STC1: variants seen among roughly 807,000 people sequenced by gnomAD.
STC1 encodes the protein stanniocalcin 1.
A neutral mutation model predicts 22.6 loss-of-function variants in STC1; 7 were observed. That is an observed-to-expected ratio of 0.31 (90% CI 0.18 to 0.58). STC1 has a LOEUF of 0.58. Ranked by LOEUF, STC1 falls within the 20% of genes least tolerant of loss-of-function variation. The pLI, the probability that STC1 is intolerant of heterozygous loss-of-function variation, is 0.89. For missense variants in STC1, 224 were observed against 311.0 expected, an observed-to-expected ratio of 0.72 and a Z score of 2.10; for synonymous variants, 113 against 120.7, an observed-to-expected ratio of 0.94 and a Z score of 0.42.
rs187959706 is a variant in STC1 at position 23,854,590 on chromosome 8, C to T, written c.-67G>A. 5,215 of 1,314,432 alleles carry T rather than the reference C, an allele frequency of 4.0e-3. 21 individuals carry two copies. The highest frequency in any genetic ancestry group is 5.0e-3 in the Non-Finnish European group (4,506 of 908,816). 81.4% of individuals were successfully genotyped at this position (1,314,432 alleles called of 1,614,324 possible). Reference sequence around the variant, plus strand: ...TCCTGCCCCCCTTTCCTCTTTCCCTCTCCTGGCTTGAGTGAAGATGTGGAT... The same window carrying T: ...TCCTGCCCCCCTTTCCTCTTTCCCTTTCCTGGCTTGAGTGAAGATGTGGAT... On this transcript the variant is annotated 5_prime_UTR_variant, in exon 1 of 4. Coordinates refer to ENST00000290271, the MANE Select transcript of STC1 (RefSeq NM_003155.3).
chr8:23,850,095 C>A (rs140647248), intron 3 of STC1, among the ~76,000 whole-genome samples: 262 of 152,306 alleles, frequency 1.7e-3, no homozygotes, highest in Middle Eastern at 3.4e-3. Context: ...AGGGCACTCA[C>A]CTGTAGTTAA....
In STC1 at chr8:23,844,747, G is replaced by A; in HGVS notation, c.*23C>T. 5 of 1,608,860 alleles carry A rather than the reference G, an allele frequency of 3.1e-6. No homozygotes were observed. Among genetic ancestry groups the A allele is most frequent in the Non-Finnish European group, 4.3e-6 (5 of 1,175,988 alleles). Reference sequence around the variant, plus strand: ...CCCTAAAATGATACTAGTTTGGTGAGGTTGTGAATAACCTCTCCCTGGTTA... The same window carrying A: ...CCCTAAAATGATACTAGTTTGGTGAAGTTGTGAATAACCTCTCCCTGGTTA... On this transcript the variant is annotated 3_prime_UTR_variant, in exon 4 of 4. Transcript: ENST00000290271.
At position 23,843,166 on chromosome 8, in the gene STC1, T is replaced by C. The variant is rs1463614617; in HGVS notation, c.*1604A>G. ...GGGCAGTGACGCTCATAAGGGACTGTTGGGTTCAAGGACAGTGACCCTGAG... is the reference window on the plus strand; with the variant it reads ...GGGCAGTGACGCTCATAAGGGACTGCTGGGTTCAAGGACAGTGACCCTGAG... On this transcript the variant is annotated 3_prime_UTR_variant, in exon 4 of 4. Coordinates refer to ENST00000290271, the MANE Select transcript of STC1 (RefSeq NM_003155.3). 6.6e-6 allele frequency: 1 copy of C among 152,594 alleles called. No individual in the cohort carries two copies. Among genetic ancestry groups the C allele is most frequent in the Non-Finnish European group, 1.5e-5 (1 of 68,062 alleles). The allele number at this position is 152,594 out of a possible 1,614,324, so 9.5% of individuals were successfully genotyped here. A position where few individuals can be genotyped will look rare whatever the true frequency, so the allele number is the denominator to read the frequency against.
intron 3 of STC1, 36 bp downstream of exon 3, chr8:23,851,284 G>A: frequency 6.2e-7 from 1 of 1,609,160 alleles, no homozygotes; most frequent in Non-Finnish European, 8.5e-7. Flanking sequence ...CCTGCTCCCA[G>A]TCCCCTGATT....
rs1410328807 is a variant in STC1 at position 23,854,468 on chromosome 8, T to A, written c.56A>T (p.His19Leu). 6.2e-7 allele frequency: 1 copy of A among 1,613,876 alleles called. No individual in the cohort carries two copies. The highest frequency in any genetic ancestry group is 8.5e-7 in the Non-Finnish European group (1 of 1,180,016). ...CACAGAGTCATTCTGCTCCGCCTCA[T>A]GGGTTGCAGAAGCACTGATCACCAG... is the stretch of plus-strand genomic sequence containing the variant. ...LVLVISASAT[H>L]EAEQNDSVSP... The change falls in exon 1 of 4, where the codon CAT becomes CTT. Residue 19 changes from histidine to leucine, a missense_variant. By Grantham distance (99) the His-to-Leu change is moderately conservative. Transcript: ENST00000290271.
At position 23,844,541 on chromosome 8, in the gene STC1, C is replaced by T. The variant is rs1802548404; in HGVS notation, c.*229G>A. On this transcript the variant is annotated 3_prime_UTR_variant, in exon 4 of 4. Coordinates refer to ENST00000290271, the MANE Select transcript of STC1 (RefSeq NM_003155.3). ...AGTTGGTAAAAGAGGGTACTTTCTC[C>T]TGAGGAGAGGCAGAATGGTCACATG... is the stretch of plus-strand genomic sequence containing the variant. The T allele has an allele frequency of 1.7e-6, 1 of 576,728 alleles. No homozygotes were observed. Among genetic ancestry groups the T allele is most frequent in the African/African-American group, 1.9e-5 (1 of 53,474 alleles). 35.7% of individuals were successfully genotyped at this position (576,728 alleles called of 1,614,324 possible). A position where few individuals can be genotyped will look rare whatever the true frequency, so the allele number is the denominator to read the frequency against.
rs899604011 is a variant in STC1, at chr8:23,854,723, CGCCGCTGCTGCTGCTGCT to C, written c.-218_-201del. ...GTGCCTCCGCTGCTGCTGCTGCTGC[CGCCGCTGCTGCTGCTGCT>C]GCCACCGCCGCTGCTGCTGCTGCTG... is the stretch of plus-strand genomic sequence containing the variant. On this transcript the variant is annotated 5_prime_UTR_variant, in exon 1 of 4. Transcript: ENST00000290271. 97 of 663,140 alleles carry C rather than the reference CGCCGCTGCTGCTGCTGCT, an allele frequency of 1.5e-4. No homozygotes were observed. The highest frequency in any genetic ancestry group is 2.1e-4 in the Non-Finnish European group (77 of 358,934). 41.1% of individuals were successfully genotyped at this position (663,140 alleles called of 1,614,324 possible).
At chr8:23,845,670 A>G (rs59236165) in intron 3 of STC1, among the ~76,000 whole-genome samples, 386 of 152,188 alleles carry the variant, frequency 2.5e-3, no homozygotes, top group African/African-American at 8.4e-3. Context: ...CTTATCACAT[A>G]CTTGGACAGC....
At chr8:23,849,100 G>GTCACAGGCT (rs1421547141) in intron 3 of STC1, among the ~76,000 whole-genome samples, 6 of 152,224 alleles carry the variant, frequency 3.9e-5, no homozygotes, top group African/African-American at 1.4e-4. Flanking sequence ...TCCTGGTCCA[G>GTCACAGGCT]TCACAGGCTT....
At position 23,851,338 on chromosome 8, in the gene STC1, G is replaced by A; in HGVS notation, c.455C>T (p.Pro152Leu). 1 of 1,614,080 alleles carries A rather than the reference G, an allele frequency of 6.2e-7. No homozygotes were observed. Among genetic ancestry groups the A allele is most frequent in the Non-Finnish European group, 8.5e-7 (1 of 1,180,038 alleles). The stretch of plus-strand genomic sequence containing the variant: ...TTTGTACCTGTTGGAGAAGTGATTG[G>A]GCAGCTGGACGACCTCAGTGATGGC... ...PEAITEVVQL[P>L]NHFSNRYYNR... Residue 152 changes from proline to leucine, a missense_variant, in exon 3 of 4, where the codon CCC becomes CTC. Physicochemically the swap from Pro to Leu is moderately conservative, Grantham distance 98. Coordinates refer to ENST00000290271, the MANE Select transcript of STC1 (RefSeq NM_003155.3).
intron 1 of STC1, chr8:23,854,199 G>C (rs167458): frequency 2.6e-6 from 3 of 1,145,604 alleles, no homozygotes; most frequent in Non-Finnish European, 2.4e-6. Flanking sequence ...TCAGCAGAGC[G>C]TCCAGCTTCT....
intron 1 of STC1, among the ~76,000 whole-genome samples, 185 bp from the exon 2 acceptor site, chr8:23,852,569 T>C (rs1185982991): frequency 1.3e-5 from 2 of 152,166 alleles, no homozygotes; most frequent in Admixed American, 1.3e-4. Context: ...TCCTTTTGTT[T>C]ATGATTGCTG....
intron 3 of STC1, among the ~76,000 whole-genome samples, chr8:23,846,775 G>C (rs1802578118): frequency 6.6e-6 from 1 of 152,174 alleles, no homozygotes; most frequent in South Asian, 2.1e-4. Context: ...TGGCACAGAG[G>C]AACATTGTCC....
chr8:23,847,706 A>G (rs1407471952), intron 3 of STC1, among the ~76,000 whole-genome samples: 4 of 152,286 alleles, frequency 2.6e-5, no homozygotes, highest in South Asian at 2.1e-4. Context: ...ACTAAGTGAG[A>G]TGGATTATTT....
rs1438344260 is a variant in STC1 at position 23,844,111 on chromosome 8, C to T, written c.*659G>A. 1 of 153,372 alleles carries T rather than the reference C, an allele frequency of 6.5e-6. No homozygotes were observed. Among genetic ancestry groups the T allele is most frequent in the East Asian group, 1.9e-4 (1 of 5,200 alleles). The allele number at this position is 153,372 out of a possible 1,614,324, so 9.5% of individuals were successfully genotyped here. On this transcript the variant is annotated 3_prime_UTR_variant, in exon 4 of 4. Transcript: ENST00000290271. ...ATACTTTTAAAGCTCTGAGCAGTTA[C>T]AGTACGTAAAGATGTTAGCTTTTTG...
chr8:23,845,076 C>A (rs1421587709), intron 3 of STC1, 36 bp from the exon 4 acceptor site: 4 of 1,603,012 alleles, frequency 2.5e-6, no homozygotes, highest in Non-Finnish European at 3.4e-6. Context: ...GGTGGTCACC[C>A]AGTGAGAGCC....
intron 3 of STC1, among the ~76,000 whole-genome samples, chr8:23,846,514 C>T (rs1332525174): frequency 1.3e-5 from 2 of 152,206 alleles, no homozygotes; most frequent in Non-Finnish European, 2.9e-5. Flanking sequence ...TTATTTTTAA[C>T]TCACCAAACA....
intron 3 of STC1, among the ~76,000 whole-genome samples, chr8:23,845,375 T>C (rs1802560082): frequency 6.6e-6 from 1 of 152,112 alleles, no homozygotes; most frequent in Non-Finnish European, 1.5e-5. Flanking sequence ...ACAGAGACCA[T>C]TTGGTGACTA....
At chr8:23,845,791 T>G (rs1802565592) in intron 3 of STC1, among the ~76,000 whole-genome samples, 1 of 152,182 alleles carries the variant, frequency 6.6e-6, no homozygotes, top group African/African-American at 2.4e-5. Flanking sequence ...ATATTGGTGG[T>G]TTTTAAGGGT....
Sources: gnomAD v4.1 joint callset for allele counts (sites outside exome capture counted in the v4.1 genomes callset) on GRCh38, gnomAD v4.1.1 for gene constraint, MANE v1.5 for transcripts, NCBI Gene and HGNC (gene_info 2026-07-23, HGNC 2026-07-21) for gene names.